DOK6: variants seen among roughly 807,000 people sequenced by gnomAD.
The protein encoded by DOK6 is downstream of tyrosine kinase 6.
Under a neutral mutation model 44.0 loss-of-function variants are expected in DOK6, and 22 were observed. That is an observed-to-expected ratio of 0.50 (90% CI 0.36 to 0.71). The LOEUF (loss-of-function observed/expected upper bound fraction) is 0.71. Ranked by LOEUF, DOK6 falls within the 30% of genes least tolerant of loss-of-function variation. The probability of loss-of-function intolerance (pLI) is 0.00; values close to 1 mark genes in which losing one functional copy is unlikely to be tolerated. For synonymous variants in DOK6, 166 were observed against 145.5 expected (o/e 1.14, Z -1.01); for missense variants, 340 against 416.4 (o/e 0.82, Z 1.60).
intron 3 of DOK6, among the ~76,000 whole-genome samples, chr18:69,647,882 G>A (rs1248902468): frequency 2.6e-5 from 4 of 152,090 alleles, no homozygotes; most frequent in Admixed American, 6.5e-5. Flanking sequence ...TTCTCTGCCC[G>A]CCGGCAGGGA....
At chr18:69,834,775 C>A (rs903779513) in intron 7 of DOK6, among the ~76,000 whole-genome samples, 1 of 152,216 alleles carries the variant, frequency 6.6e-6, no homozygotes, top group African/African-American at 2.4e-5. Flanking sequence ...ATTTACTTAA[C>A]TGCCCAATTA....
chr18:69,560,261 A>G (rs1204021133), intron 1 of DOK6, among the ~76,000 whole-genome samples: 1 of 152,186 alleles, frequency 6.6e-6, no homozygotes, highest in Non-Finnish European at 1.5e-5. Flanking sequence ...AACTGTTTTT[A>G]GGCATTACAA....
At chr18:69,583,935 C>T (rs1180306821) in intron 2 of DOK6, among the ~76,000 whole-genome samples, 3 of 151,848 alleles carry the variant, frequency 2.0e-5, no homozygotes, top group African/African-American at 2.4e-5. Context: ...GGTGAAACCC[C>T]GTCCCTACTA....
intron 1 of DOK6, among the ~76,000 whole-genome samples, chr18:69,537,460 G>T (rs1268473038): frequency 6.6e-6 from 1 of 152,160 alleles, no homozygotes; most frequent in Admixed American, 6.6e-5. Context: ...GTTCCTTCAA[G>T]CTGGAATCCT....
chr18:69,803,914 G>C (rs1359686913), intron 7 of DOK6, among the ~76,000 whole-genome samples: 1 of 152,128 alleles, frequency 6.6e-6, no homozygotes, highest in Non-Finnish European at 1.5e-5. Flanking sequence ...GTGCAGAAAA[G>C]TTGCAGGAAG....
At chr18:69,483,953 AAT>A (rs1208345456) in intron 1 of DOK6, among the ~76,000 whole-genome samples, 1 of 152,080 alleles carries the variant, frequency 6.6e-6, no homozygotes, top group Non-Finnish European at 1.5e-5. Context: ...GAATAACTTA[AAT>A]ATCTACATAT....
intron 1 of DOK6, among the ~76,000 whole-genome samples, chr18:69,537,447 C>T (rs1470116124): frequency 6.6e-6 from 1 of 152,160 alleles, no homozygotes; most frequent in South Asian, 2.1e-4. Context: ...CACCAGACTG[C>T]CAGTTCCTTC....
chr18:69,406,939 G>T (rs750814205), intron 1 of DOK6, among the ~76,000 whole-genome samples: 2 of 152,120 alleles, frequency 1.3e-5, no homozygotes, highest in Non-Finnish European at 2.9e-5. Flanking sequence ...AAATTAGCGG[G>T]GTGCAGAGGC....
intron 2 of DOK6, among the ~76,000 whole-genome samples, chr18:69,566,982 C>T (rs751385158): frequency 7.9e-5 from 12 of 152,188 alleles, no homozygotes; most frequent in Non-Finnish European, 1.8e-4. Flanking sequence ...CACTCCATGG[C>T]AGTGCTCAGA....
intron 3 of DOK6, among the ~76,000 whole-genome samples, chr18:69,608,778 C>T (rs368670548): frequency 1.3e-5 from 2 of 151,678 alleles, no homozygotes. Flanking sequence ...GGTGAAACCC[C>T]GTCTCTACTA....
intron 7 of DOK6, among the ~76,000 whole-genome samples, chr18:69,809,079 A>T (rs1395675185): frequency 2.6e-5 from 4 of 151,884 alleles, no homozygotes; most frequent in Admixed American, 1.3e-4. Context: ...CACTAAAAGG[A>T]TCATTCACCA....
At chr18:69,545,837 C>A (rs537955913) in intron 1 of DOK6, among the ~76,000 whole-genome samples, 3 of 151,394 alleles carry the variant, frequency 2.0e-5, no homozygotes, top group African/African-American at 7.2e-5. Flanking sequence ...TTTTAAGCTA[C>A]AAAGTTGGTA....
intron 7 of DOK6, among the ~76,000 whole-genome samples, chr18:69,777,299 C>A (rs973014604): frequency 6.6e-6 from 1 of 151,710 alleles, no homozygotes; most frequent in African/African-American, 2.4e-5. Flanking sequence ...ATGGAGATTT[C>A]TTTAAATAAA....
chr18:69,638,087 C>T (rs1224922420), intron 3 of DOK6, among the ~76,000 whole-genome samples: 1 of 152,138 alleles, frequency 6.6e-6, no homozygotes, highest in Non-Finnish European at 1.5e-5. Context: ...TTCTTTAGAG[C>T]AGAAGTTGGC....
chr18:69,520,947 TTGTC>T (rs1981668302), intron 1 of DOK6, among the ~76,000 whole-genome samples: 1 of 151,902 alleles, frequency 6.6e-6, no homozygotes, highest in Non-Finnish European at 1.5e-5. Context: ...CTGTGCATGT[TTGTC>T]TGAGTAGAAT....
intron 7 of DOK6, among the ~76,000 whole-genome samples, chr18:69,813,109 C>A (rs903235948): frequency 1.3e-5 from 2 of 152,174 alleles, no homozygotes; most frequent in East Asian, 3.9e-4. Flanking sequence ...CAAGACTCTA[C>A]TTCATGCCTA....
intron 1 of DOK6, among the ~76,000 whole-genome samples, chr18:69,497,739 G>T (rs1980933101): frequency 6.6e-6 from 1 of 152,068 alleles, no homozygotes. Context: ...GGAAATTTAG[G>T]TCGCACATCA....
intron 2 of DOK6, among the ~76,000 whole-genome samples, chr18:69,596,496 C>A (rs1387856038): frequency 1.3e-5 from 2 of 152,084 alleles, no homozygotes; most frequent in African/African-American, 4.8e-5. Context: ...AGAAAAACTG[C>A]TCTTCACTTA....
At chr18:69,689,561 A>G (rs1986221074) in intron 4 of DOK6, among the ~76,000 whole-genome samples, 1 of 152,192 alleles carries the variant, frequency 6.6e-6, no homozygotes, top group African/African-American at 2.4e-5. Flanking sequence ...TTGAATATTT[A>G]TTGGTAAGGG....
Sources: gnomAD v4.1 joint callset for allele counts (sites outside exome capture counted in the v4.1 genomes callset) on GRCh38, gnomAD v4.1.1 for gene constraint, MANE v1.5 for transcripts, NCBI Gene and HGNC (gene_info 2026-07-23, HGNC 2026-07-21) for gene names.